The following C2orf42 variants were observed in gnomAD, a reference collection of about 807,000 sequenced individuals.
The protein encoded by C2orf42 is chromosome 2 open reading frame 42.
A neutral mutation model predicts 58.9 loss-of-function variants in C2orf42; 44 were observed. The observed-to-expected ratio is 0.75, with a 90% CI of 0.59 to 0.96. C2orf42 has a LOEUF of 0.96. C2orf42 is among the 40% of genes least tolerant of loss of function. The pLI, the probability that C2orf42 is intolerant of heterozygous loss-of-function variation, is 0.00. For missense variants in C2orf42, 630 were observed against 699.2 expected, an observed-to-expected ratio of 0.90 and a Z score of 1.12; for synonymous variants, 239 against 265.4, an observed-to-expected ratio of 0.90 and a Z score of 0.97.
Position 70,181,329 on chromosome 2 carries a change from C to T in C2orf42, c.657G>A (p.Glu219=). 6.2e-7 allele frequency: 1 copy of T among 1,614,022 alleles called. No homozygotes were observed. The highest frequency in any genetic ancestry group is 1.7e-5 in the Admixed American group (1 of 59,988). Residue 219 remains glutamate (E), a synonymous_variant, in exon 3 of 10, where the codon GAG becomes GAA. Coordinates refer to ENST00000264434, the MANE Select transcript of C2orf42 (RefSeq NM_017880.3). Reference sequence around the variant, plus strand: ...TCTGACAGGAGCAGAAGAAGCGGCGCTCAGGCAAGCTTTTGCCACTGACTT... The same window carrying T: ...TCTGACAGGAGCAGAAGAAGCGGCGTTCAGGCAAGCTTTTGCCACTGACTT... ...VQKVSGKSLP[E]RRFFCSCQTL...
In C2orf42 at chr2:70,169,653, G is replaced by A; in HGVS notation, c.1048C>T (p.Gln350Ter). ...GTCACTTGTGCCTCATCTAACAGCT[G>A]ACCACAGGCTAGGGAAAAAAAAACC... ...ASSLKRQACG[Q>*]LLDEAQVTLS... The change falls in exon 6 of 10, where the codon CAG becomes TAG. Residue 350 changes from glutamine (Q) to a stop codon, truncating the protein, a stop_gained. Transcript: ENST00000264434. LOFTEE classifies it high-confidence loss of function. 1 of 1,584,818 alleles carries A rather than the reference G, an allele frequency of 6.3e-7. No homozygotes were observed. The highest frequency in any genetic ancestry group is 8.7e-7 in the Non-Finnish European group (1 of 1,153,588).
chr2:70,158,695 G>A (rs185730787), intron 9 of C2orf42, among the ~76,000 whole-genome samples: 4 of 151,170 alleles, frequency 2.6e-5, no homozygotes, highest in African/African-American at 4.9e-5. Context: ...TGATCTGCCC[G>A]CCTCAGCCTC....
chr2:70,168,202 C>T (rs1256298109), intron 6 of C2orf42, among the ~76,000 whole-genome samples: 1 of 151,672 alleles, frequency 6.6e-6, no homozygotes, highest in Non-Finnish European at 1.5e-5. Flanking sequence ...CCACTGCACT[C>T]CAGCCTGGGC....
intron 6 of C2orf42, among the ~76,000 whole-genome samples, chr2:70,166,075 G>C (rs1378364327): frequency 1.3e-5 from 2 of 151,808 alleles, no homozygotes; most frequent in Non-Finnish European, 2.9e-5. Context: ...ATTTTTAGTA[G>C]AGATGGGGTT....
intron 8 of C2orf42, among the ~76,000 whole-genome samples, chr2:70,163,798 C>T (rs1311346768): frequency 4.6e-5 from 7 of 151,840 alleles, no homozygotes; most frequent in South Asian, 2.1e-4. Context: ...TACAGTGAGC[C>T]GAGATCGTGC....
chr2:70,157,524 C>T (rs917577412), intron 9 of C2orf42, among the ~76,000 whole-genome samples: 14 of 152,076 alleles, frequency 9.2e-5, no homozygotes, highest in African/African-American at 2.9e-4. Flanking sequence ...TAGCTGGGCG[C>T]GGTGGCTCAC....
At chr2:70,177,216 G>A (rs1674250802) in intron 4 of C2orf42, among the ~76,000 whole-genome samples, 1 of 151,718 alleles carries the variant, frequency 6.6e-6, no homozygotes, top group Non-Finnish European at 1.5e-5. Context: ...AGGCTGCAGT[G>A]AGCTGAGATC....
intron 5 of C2orf42, among the ~76,000 whole-genome samples, chr2:70,174,703 T>C (rs1674069453): frequency 6.6e-6 from 1 of 151,852 alleles, no homozygotes; most frequent in Non-Finnish European, 1.5e-5. Context: ...TAAGTCTTGC[T>C]CTTATTGCCC....
chr2:70,180,482 C>T (rs145061709), intron 3 of C2orf42, among the ~76,000 whole-genome samples: 2 of 151,552 alleles, frequency 1.3e-5, no homozygotes, highest in Non-Finnish European at 2.9e-5. Context: ...GTGGCAGGCG[C>T]CTGTAATCCC....
In C2orf42 at chr2:70,181,212, A is replaced by T. The variant is rs1272723757; in HGVS notation, c.774T>A (p.Asp258Glu). 1.4e-5 allele frequency: 23 copies of T among 1,592,748 alleles called. No individual in the cohort carries two copies. The highest frequency in any genetic ancestry group is 1.8e-5 in the Non-Finnish European group (21 of 1,164,200). The change falls in exon 3 of 10, where the codon GAT (aspartate) becomes GAA (glutamate). Residue 258 changes from aspartate (D) to glutamate (E), a missense_variant. Coordinates refer to ENST00000264434, the MANE Select transcript of C2orf42 (RefSeq NM_017880.3). ...CTGAGAATTCCTGAGCCAGTGTCTC[A>T]TCACTGGCAAAGGCACAGATGCAAG... ...FFACICAFAS[D>E]ETLAQEFSDF... is the part of the protein sequence containing the mutation.
chr2:70,185,667 C>T (rs77093136), intron 1 of C2orf42, among the ~76,000 whole-genome samples: 8,832 of 151,606 alleles, frequency 0.058, 328 homozygotes, highest in East Asian at 0.17. Context: ...GAGCCAAGAT[C>T]GCACCACTGC....
intron 4 of C2orf42, among the ~76,000 whole-genome samples, chr2:70,177,886 A>C (rs1393010489): frequency 6.6e-6 from 1 of 152,018 alleles, no homozygotes; most frequent in Non-Finnish European, 1.5e-5. Context: ...AAACAAACCA[A>C]AAAATTAGCC....
chr2:70,160,765 C>T lies in C2orf42; in HGVS notation c.1376G>A (p.Ser459Asn), dbSNP rs752412946. 26 of 1,600,306 alleles carry T rather than the reference C, an allele frequency of 1.6e-5. No individual in the cohort carries two copies. Among genetic ancestry groups the T allele is most frequent in the Non-Finnish European group, 2.1e-5 (25 of 1,176,046 alleles). The change falls in exon 9 of 10, where the codon AGC (serine) becomes AAC (asparagine). Residue 459 changes from serine (S) to asparagine (N), a missense_variant. Transcript: ENST00000264434. ...AGTCCCATCTCGGTTCTGGATAAAG[C>T]TACGGGTGATTTCCAAGGGCATCTG... is the stretch of plus-strand genomic sequence containing the variant. ...TPEMPLEITRSFIQNRDGTYE... is the reference protein window; with the variant it reads ...TPEMPLEITRNFIQNRDGTYE...
intron 5 of C2orf42, among the ~76,000 whole-genome samples, chr2:70,173,950 G>A (rs2104933919): frequency 6.6e-6 from 1 of 152,184 alleles, no homozygotes; most frequent in South Asian, 2.1e-4. Flanking sequence ...TGAGTAATAA[G>A]CAATAAGATG....
intron 9 of C2orf42, among the ~76,000 whole-genome samples, chr2:70,158,223 T>TA (rs1672810791): frequency 6.6e-6 from 1 of 151,086 alleles, no homozygotes; most frequent in South Asian, 2.1e-4. Flanking sequence ...AGAAAGAAAT[T>TA]AAAGATACAT....
chr2:70,156,974 T>G (rs1164592848), intron 9 of C2orf42, among the ~76,000 whole-genome samples: 12 of 152,186 alleles, frequency 7.9e-5, no homozygotes, highest in Admixed American at 7.9e-4. Context: ...ATTTTTACAT[T>G]GATAACATAC....
intron 9 of C2orf42, among the ~76,000 whole-genome samples, chr2:70,157,176 C>T (rs755701151): frequency 1.4e-4 from 22 of 152,186 alleles, no homozygotes; most frequent in Admixed American, 2.6e-4. Context: ...AAAATAAGGC[C>T]GGGTGCGGTG....
intron 8 of C2orf42, among the ~76,000 whole-genome samples, chr2:70,162,297 C>T: frequency 6.6e-6 from 1 of 151,002 alleles, no homozygotes; most frequent in Non-Finnish European, 1.5e-5. Context: ...AGGCATGAGC[C>T]ACCTCGCCAG....
At chr2:70,177,731 T>G (rs1674285625) in intron 4 of C2orf42, among the ~76,000 whole-genome samples, 2 of 152,200 alleles carry the variant, frequency 1.3e-5, no homozygotes, top group Non-Finnish European at 2.9e-5. Flanking sequence ...GCCTGTGGTC[T>G]CATCATTTTA....
Sources: allele counts gnomAD v4.1 joint callset (sites outside exome capture counted in the v4.1 genomes callset), GRCh38; gene constraint gnomAD v4.1.1; transcripts MANE v1.5; gene names NCBI Gene and HGNC (gene_info 2026-07-23, HGNC 2026-07-21).